CASZ1: variants seen among roughly 807,000 people sequenced by gnomAD.
CASZ1 encodes the protein castor zinc finger 1.
A neutral mutation model predicts 135.2 loss-of-function variants in CASZ1; 28 were observed. The observed-to-expected ratio is 0.21, with a 90% CI of 0.15 to 0.28. The LOEUF (loss-of-function observed/expected upper bound fraction) is 0.28, where lower values mean the gene tolerates loss of function less well. Among genes scored for constraint, CASZ1 ranks in the 10% least tolerant of loss-of-function variants. The probability of loss-of-function intolerance (pLI) is 1.00; values close to 1 mark genes in which losing one functional copy is unlikely to be tolerated. For synonymous variants in CASZ1, 1,068 were observed against 1,073.4 expected, an observed-to-expected ratio of 0.99 and a Z score of 0.10; for missense variants, 2,161 against 2,453.3, an observed-to-expected ratio of 0.88 and a Z score of 2.52.
In CASZ1 at chr1:10,729,266, G is replaced by A. The variant is rs1050101757; in HGVS notation, c.-76-23722C>T. ...CGCTGGCGCTAATGGGAAGCAAGAC[G>A]GCTGCAGGGGGGCTTCCTGGGGGAG... is the stretch of plus-strand genomic sequence containing the variant. On this transcript the variant is annotated intron_variant, in intron 2 of 20. Transcript: ENST00000377022. 2.6e-5 allele frequency among the ~76,000 whole-genome samples: 4 copies of A among 152,178 alleles called. 1 individual carries two copies. The highest frequency in any genetic ancestry group is 2.6e-4 in the Admixed American group (4 of 15,286).
intron 4 of CASZ1, among the ~76,000 whole-genome samples, chr1:10,677,273 G>A (rs542026767): frequency 8.5e-5 from 13 of 152,318 alleles, no homozygotes; most frequent in African/African-American, 3.1e-4. Context: ...CCAAAGCCTC[G>A]CTGGAGCAGG....
chr1:10,717,934 G>C lies in CASZ1; in HGVS notation c.-76-12390C>G, dbSNP rs2100477041. Among the ~76,000 whole-genome samples the C allele has an allele frequency of 6.6e-6, 1 of 152,392 alleles. No homozygotes were observed. The highest frequency in any genetic ancestry group is 2.1e-4 in the South Asian group (1 of 4,826). ...TGTGCAGCCGCTGCGAGCACGCCTGGTCGCCTCAGCGACCAAAGCGGGTGC... is the reference window on the plus strand; with the variant it reads ...TGTGCAGCCGCTGCGAGCACGCCTGCTCGCCTCAGCGACCAAAGCGGGTGC... On this transcript the variant is annotated intron_variant, in intron 2 of 20. Coordinates refer to ENST00000377022, the MANE Select transcript of CASZ1 (RefSeq NM_001079843.3). This position sits in a 1 kb window ranked among gnomAD's most constrained non-coding sequence, Gnocchi z 4.6.
intron 2 of CASZ1, among the ~76,000 whole-genome samples, chr1:10,751,867 G>C (rs1306149180): frequency 6.6e-6 from 1 of 152,226 alleles, no homozygotes; most frequent in Non-Finnish European, 1.5e-5. Flanking sequence ...CCCACCTTGG[G>C]GCACTGCCCG....
chr1:10,693,720 C>T (rs1006843942), intron 4 of CASZ1, among the ~76,000 whole-genome samples, 154 bp downstream of exon 4: 3 of 152,180 alleles, frequency 2.0e-5, no homozygotes, highest in Admixed American at 2.0e-4. Context: ...CAGAAGTCGC[C>T]GATCCCGAGG....
intron 11 of CASZ1, 38 bp from the exon 12 acceptor site, chr1:10,651,114 G>T (rs766895088): frequency 4.1e-6 from 6 of 1,451,744 alleles, no homozygotes; most frequent in Non-Finnish European, 5.4e-6. Flanking sequence ...CAGAGGGGCT[G>T]AAGGCCTGGC....
Position 10,757,705 on chromosome 1 carries a change from CTGAACCCGGGAGGCGGAGGTTGCAG to C in CASZ1, c.-77+2971_-77+2995del, listed in dbSNP as rs1640286184. The stretch of plus-strand genomic sequence containing the variant: ...CGAGAGGCTGAGGCAGGAGAATCAC[CTGAACCCGGGAGGCGGAGGTTGCAG>C]TGAGCCAAGATTGCACTGCTGCACT... On this transcript the variant is annotated intron_variant, in intron 2 of 20. Coordinates refer to ENST00000377022, the MANE Select transcript of CASZ1 (RefSeq NM_001079843.3). This position sits in a 1 kb window ranked among gnomAD's most constrained non-coding sequence, Gnocchi z 4.6. Among the ~76,000 whole-genome samples the C allele has an allele frequency of 6.6e-6, 1 of 152,096 alleles. No homozygotes were observed. The highest frequency in any genetic ancestry group is 1.5e-5 in the Non-Finnish European group (1 of 67,994).
At chr1:10,763,031 G>T (rs1216056128) in intron 1 of CASZ1, among the ~76,000 whole-genome samples, 2 of 152,188 alleles carry the variant, frequency 1.3e-5, no homozygotes, top group African/African-American at 2.4e-5. Context: ...TTCCCCCACG[G>T]TCTTCCCCAT....
chr1:10,639,740 G>A lies in CASZ1; in HGVS notation c.4482C>T (p.Arg1494=). 2 of 1,593,810 alleles carry A rather than the reference G, an allele frequency of 1.3e-6. No individual in the cohort carries two copies. The highest frequency in any genetic ancestry group is 1.7e-6 in the Non-Finnish European group (2 of 1,170,962). The change falls in exon 21 of 21, where the codon CGC becomes CGT. Residue 1494 remains arginine (R), a synonymous_variant. Transcript: ENST00000377022. This position sits in a 1 kb window ranked among gnomAD's most constrained non-coding sequence, Gnocchi z 4.0. ...AGTGGCAGCTGAGTGAGGCCTTGAAGCGCTTGAAGTCGTCCAGCACCAGGT... is the reference window on the plus strand; with the variant it reads ...AGTGGCAGCTGAGTGAGGCCTTGAAACGCTTGAAGTCGTCCAGCACCAGGT... ...VDNLVLDDFK[R]FKASLSCHFA... is the part of the protein sequence containing the mutation.
intron 3 of CASZ1, among the ~76,000 whole-genome samples, chr1:10,703,029 G>C (rs916566231): frequency 6.6e-6 from 1 of 151,792 alleles, no homozygotes; most frequent in African/African-American, 2.4e-5. Context: ...GGGAAGGCAA[G>C]GAGGAAGAGG....
At chr1:10,772,791 G>A (rs1050702278) in intron 1 of CASZ1, among the ~76,000 whole-genome samples, 8 of 152,300 alleles carry the variant, frequency 5.3e-5, no homozygotes, top group African/African-American at 1.9e-4. Context: ...ACCCCACGCT[G>A]GCCACTTTTA....
At chr1:10,754,170 CATCTAAAATGACAAACCATCCA>C (rs1461042060) in intron 2 of CASZ1, among the ~76,000 whole-genome samples, 1 of 152,340 alleles carries the variant, frequency 6.6e-6, no homozygotes, top group South Asian at 2.1e-4. Context: ...CTGGGAGCCA[CATCTAAAATGACAAACCATCCA>C]TCCACCTGCC....
chr1:10,706,871 G>A lies in CASZ1; in HGVS notation c.-76-1327C>T, dbSNP rs1639186057. 1.3e-5 allele frequency among the ~76,000 whole-genome samples: 2 copies of A among 151,868 alleles called. No homozygotes were observed. The highest frequency in any genetic ancestry group is 4.2e-4 in the South Asian group (2 of 4,804). Reference sequence around the variant, plus strand: ...GGCGGGGGGGTCTGCAGAGAGCTGGGCGGACCCCTGAGACAGGGGGCGGTA... The same window carrying A: ...GGCGGGGGGGTCTGCAGAGAGCTGGACGGACCCCTGAGACAGGGGGCGGTA... On this transcript the variant is annotated intron_variant, in intron 2 of 20. Transcript: ENST00000377022. This position sits in a 1 kb window ranked among gnomAD's most constrained non-coding sequence, Gnocchi z 4.3.
chr1:10,747,289 G>C lies in CASZ1; in HGVS notation c.-77+13412C>G, dbSNP rs1014453945. 6.6e-6 allele frequency among the ~76,000 whole-genome samples: 1 copy of C among 152,180 alleles called. No individual in the cohort carries two copies. Among genetic ancestry groups the C allele is most frequent in the Non-Finnish European group, 1.5e-5 (1 of 68,042 alleles). The stretch of plus-strand genomic sequence containing the variant: ...AGGTGGGGTCTGCAGAGAGAGGCAG[G>C]GTTCTGAATACGCTCATCTTTCGTA... On this transcript the variant is annotated intron_variant, in intron 2 of 20. Transcript: ENST00000377022. The surrounding 1 kb of genome is among the most constrained non-coding windows in gnomAD (Gnocchi z 4.3).
In CASZ1 at chr1:10,756,332, C is replaced by T. The variant is rs1028907962; in HGVS notation, c.-77+4369G>A. 2.0e-5 allele frequency among the ~76,000 whole-genome samples: 3 copies of T among 152,206 alleles called. No individual in the cohort carries two copies. The highest frequency in any genetic ancestry group is 3.9e-4 in the East Asian group (2 of 5,184). ...CACCCTCGCCCCCGCAAGACATCAC[C>T]GGCCCTCCCTTCCTGTCACCTCCAT... On this transcript the variant is annotated intron_variant, in intron 2 of 20. Coordinates refer to ENST00000377022, the MANE Select transcript of CASZ1 (RefSeq NM_001079843.3). The surrounding 1 kb of genome is among the most constrained non-coding windows in gnomAD (Gnocchi z 5.9).
At chr1:10,691,375 CTTCTGTCCCCT>C (rs1638763057) in intron 4 of CASZ1, among the ~76,000 whole-genome samples, 1 of 152,184 alleles carries the variant, frequency 6.6e-6, no homozygotes, top group Non-Finnish European at 1.5e-5. Flanking sequence ...TCCTGAGGTC[CTTCTGTCCCCT>C]CCTGAGAAGG....
chr1:10,770,561 G>A (rs751991511), intron 1 of CASZ1, among the ~76,000 whole-genome samples: 4 of 152,108 alleles, frequency 2.6e-5, no homozygotes, highest in Non-Finnish European at 5.9e-5. Flanking sequence ...CTAGCTGCGG[G>A]GTGGTGAAAG....
At chr1:10,785,627 A>G (rs1263930156) in intron 1 of CASZ1, among the ~76,000 whole-genome samples, 1 of 152,038 alleles carries the variant, frequency 6.6e-6, no homozygotes, top group Non-Finnish European at 1.5e-5. Flanking sequence ...CCCTCCACCC[A>G]GGCCTGGGGA....
At chr1:10,649,763 G>C (rs1315783017) in intron 13 of CASZ1, 3 of 244,888 alleles carry the variant, frequency 1.2e-5, no homozygotes, top group Admixed American at 5.0e-5. Flanking sequence ...GCGGCTCCCT[G>C]GTTATTTTCC....
At chr1:10,658,662 G>A in intron 6 of CASZ1, 86 bp from the exon 7 acceptor site, 1 of 1,194,962 alleles carries the variant, frequency 8.4e-7, no homozygotes, top group Non-Finnish European at 1.2e-6. Context: ...CCCCTGCCCT[G>A]AGGCCCCAGC....
Sources: allele counts gnomAD v4.1 joint callset (sites outside exome capture counted in the v4.1 genomes callset), GRCh38; gene constraint gnomAD v4.1.1; non-coding constraint Gnocchi (gnomAD v3.1); transcripts MANE v1.5; gene names NCBI Gene and HGNC (gene_info 2026-07-23, HGNC 2026-07-21).